Variants in DIO2 observed in about 807,000 individuals in gnomAD.
The protein encoded by DIO2 is iodothyronine deiodinase 2.
A neutral mutation model predicts 21.4 loss-of-function variants in DIO2; 19 were observed. That is an observed-to-expected ratio of 0.89 (90% CI 0.62 to 1.30). DIO2 has a LOEUF of 1.30. DIO2 is among the 50% of genes most tolerant of loss of function. DIO2 has a pLI of 0.00. For missense variants in DIO2, 302 were observed against 338.1 expected, an observed-to-expected ratio of 0.89 and a Z score of 0.84; for synonymous variants, 122 against 132.9, an observed-to-expected ratio of 0.92 and a Z score of 0.57.
At chr14:80,205,083 G>C (rs1297947260) in intron 1 of DIO2, among the ~76,000 whole-genome samples, 1 of 152,076 alleles carries the variant, frequency 6.6e-6, no homozygotes, top group Admixed American at 6.6e-5. Context: ...AGCACATTTA[G>C]CTGGATTCTT....
upstream of DIO2, chr14:80,211,592 G>GGGGA: frequency 6.2e-6 from 1 of 162,280 alleles, no homozygotes; most frequent in South Asian, 6.6e-5. Context: ...GGGGTTGGGG[G>GGGGA]AGAAGGGGAA....
At chr14:80,223,533 C>G (rs887820567) in intron 2 of DIO2, among the ~76,000 whole-genome samples, 4 of 152,142 alleles carry the variant, frequency 2.6e-5, no homozygotes, top group African/African-American at 9.7e-5. Context: ...GAAAGGCAAT[C>G]TTAACCAGGG....
chr14:80,200,620 A>T lies in DIO2; in HGVS notation c.*2069T>A, dbSNP rs930919551. 3 of 152,240 alleles carry T rather than the reference A, an allele frequency of 2.0e-5. No homozygotes were observed. The East Asian group carries it at 5.8e-4, about 29-fold the overall frequency. 9.4% of individuals were successfully genotyped at this position (152,240 alleles called of 1,614,324 possible). On this transcript the variant is annotated 3_prime_UTR_variant, in exon 2 of 2. Transcript: ENST00000438257. ...ATAAGCCTTGAATGTAGAAGTTAAC[A>T]ACTGAGGAATCTGAAATAATTATTC...
intron 1 of DIO2, chr14:80,206,192 TA>T: frequency 8.1e-7 from 1 of 1,231,832 alleles, no homozygotes; most frequent in South Asian, 1.5e-5. Context: ...ATAAAATTAA[TA>T]TTATTAATAA....
At chr14:80,212,327 A>C (rs2140011061), upstream of DIO2, 1 of 146,868 alleles carries the variant, frequency 6.8e-6, no homozygotes, top group African/African-American at 2.4e-5. Flanking sequence ...GAAAAGCAAA[A>C]CTCGACAACT....
upstream of DIO2, among the ~76,000 whole-genome samples, chr14:80,215,449 A>G (rs201987565): frequency 1.2e-4 from 19 of 152,324 alleles, no homozygotes; most frequent in East Asian, 3.7e-3. Flanking sequence ...AATTTTAAGC[A>G]CAACAGTTGC....
chr14:80,199,030 T>C lies in DIO2; in HGVS notation c.*3659A>G, dbSNP rs966800749. ...TCCAGATTCATCCATCCTCTTAAGA[T>C]TGACATAAAGAGAAGTCCTGTAAAT... is the stretch of plus-strand genomic sequence containing the variant. On this transcript the variant is annotated 3_prime_UTR_variant, in exon 2 of 2. Transcript: ENST00000438257. 7 of 152,334 alleles carry C rather than the reference T, an allele frequency of 4.6e-5. No individual in the cohort carries two copies. Among genetic ancestry groups the C allele is most frequent in the African/African-American group, 1.2e-4 (5 of 41,580 alleles). 9.4% of individuals were successfully genotyped at this position (152,334 alleles called of 1,614,324 possible).
upstream of DIO2, chr14:80,211,818 T>A (rs1401273090): frequency 1.6e-5 from 2 of 124,150 alleles, no homozygotes; most frequent in Non-Finnish European, 3.2e-5. Context: ...GGCGTACTCG[T>A]CCCTAATCCA....
Position 80,198,792 on chromosome 14 carries a change from A to G in DIO2, c.*3897T>C, listed in dbSNP as rs1887592907. 1 of 150,724 alleles carries G rather than the reference A, an allele frequency of 6.6e-6. No individual in the cohort carries two copies. Among genetic ancestry groups the G allele is most frequent in the African/African-American group, 2.4e-5 (1 of 40,854 alleles). The allele number at this position is 150,724 out of a possible 1,614,324, so 9.3% of individuals were successfully genotyped here. A position where few individuals can be genotyped will look rare whatever the true frequency, so the allele number is the denominator to read the frequency against. On this transcript the variant is annotated 3_prime_UTR_variant, in exon 2 of 2. Coordinates refer to ENST00000438257, the MANE Select transcript of DIO2 (RefSeq NM_013989.5). ...TAGGGAAAAAAAAAAAAAAAAAAAAACCTCCTAAAATTAAAAGCCTTACTT... is the reference window on the plus strand; with the variant it reads ...TAGGGAAAAAAAAAAAAAAAAAAAAGCCTCCTAAAATTAAAAGCCTTACTT...
chr14:80,211,223 G>C lies in DIO2; in HGVS notation c.222+28C>G, dbSNP rs776430937. The C allele has an allele frequency of 6.9e-6, 11 of 1,594,418 alleles. No homozygotes were observed. In the South Asian group the frequency reaches 1.1e-4, roughly 16 times the overall value. ...ATGAGCCCCTGCCCCTGTAGACCTAGGGAGAAGCCCTTCTCAGCTCAGCTC... is the reference window on the plus strand; with the variant it reads ...ATGAGCCCCTGCCCCTGTAGACCTACGGAGAAGCCCTTCTCAGCTCAGCTC... On this transcript the variant is annotated intron_variant, in intron 1 of 1. Coordinates refer to ENST00000438257, the MANE Select transcript of DIO2 (RefSeq NM_013989.5).
At chr14:80,224,063 A>G (rs1350398595) in intron 2 of DIO2, among the ~76,000 whole-genome samples, 1 of 152,198 alleles carries the variant, frequency 6.6e-6, no homozygotes, top group African/African-American at 2.4e-5. Context: ...CTCATTGAGA[A>G]CTTATTATAT....
chr14:80,212,972 A>C (rs975094605), upstream of DIO2, among the ~76,000 whole-genome samples: 20 of 152,254 alleles, frequency 1.3e-4, no homozygotes, highest in African/African-American at 4.8e-4. Flanking sequence ...TAAGGCTGAG[A>C]AATTATTAAT....
In DIO2 at chr14:80,203,222, T is replaced by C; in HGVS notation, c.289A>G (p.Asn97Asp). 6.2e-7 allele frequency: 1 copy of C among 1,610,168 alleles called. No individual in the cohort carries two copies. The change falls in exon 2 of 2, where the codon AAC (asparagine) becomes GAC (aspartate). Residue 97 changes from asparagine to aspartate, a missense_variant. Asn to Asp is a conservative substitution (Grantham distance 23). Coordinates refer to ENST00000438257, the MANE Select transcript of DIO2 (RefSeq NM_013989.5). ...VHVSSTEGGD[N>D]SGNGTQEKIA... is the part of the protein sequence containing the mutation. ...TTCTCCTGGGTACCATTGCCACTGT[T>C]GTCACCTCCTTCTGTACTGGAGACA...
Position 80,211,333 on chromosome 14 carries a change from G to A in DIO2, c.140C>T (p.Thr47Ile). 1 of 1,613,840 alleles carries A rather than the reference G, an allele frequency of 6.2e-7. No homozygotes were observed. Among genetic ancestry groups the A allele is most frequent in the East Asian group, 2.2e-5 (1 of 44,844 alleles). Residue 47 changes from threonine (T) to isoleucine (I), a missense_variant, in exon 1 of 2, where the codon ACT (threonine) becomes ATT (isoleucine). Physicochemically the swap from Thr to Ile is moderately conservative, Grantham distance 89. Transcript: ENST00000438257. ...CAGCATGCGCCGCCACTCTCCGCGA[G>A]TGGACTTGGAGCGGCTCAACAGCAG... ...VVLLLSRSKS[T>I]RGEWRRMLTS...
chr14:80,222,296 T>C (rs1258267400), intron 2 of DIO2, among the ~76,000 whole-genome samples: 2 of 152,126 alleles, frequency 1.3e-5, no homozygotes, highest in Non-Finnish European at 2.9e-5. Context: ...GAGCTAAACA[T>C]TGAGTGATAG....
chr14:80,199,720 A>T lies in DIO2; in HGVS notation c.*2969T>A, dbSNP rs1887638690. ...ATGATAATATCTAAAATTTCTTGGAAACTATTTCAATAATAGACAAGCTAA... is the reference window on the plus strand; with the variant it reads ...ATGATAATATCTAAAATTTCTTGGATACTATTTCAATAATAGACAAGCTAA... On this transcript the variant is annotated 3_prime_UTR_variant, in exon 2 of 2. Transcript: ENST00000438257. The T allele has an allele frequency of 6.6e-6, 1 of 152,634 alleles. No individual in the cohort carries two copies. Among genetic ancestry groups the T allele is most frequent in the Non-Finnish European group, 1.5e-5 (1 of 68,042 alleles). 9.5% of individuals were successfully genotyped at this position (152,634 alleles called of 1,614,324 possible). A position where few individuals can be genotyped will look rare whatever the true frequency, so the allele number is the denominator to read the frequency against.
intron 1 of DIO2, chr14:80,205,458 C>T: frequency 2.3e-6 from 1 of 425,686 alleles, no homozygotes; most frequent in Admixed American, 5.7e-5. Context: ...ATTTTTGAAA[C>T]CCATGAACAA....
At chr14:80,205,310 C>T (rs1392299843) in intron 1 of DIO2, among the ~76,000 whole-genome samples, 1 of 151,956 alleles carries the variant, frequency 6.6e-6, no homozygotes, top group East Asian at 1.9e-4. Flanking sequence ...ATCATGTGTA[C>T]TGTGTGCCTC....
At chr14:80,226,819 T>C (rs778790215) in intron 2 of DIO2, among the ~76,000 whole-genome samples, 10 of 152,186 alleles carry the variant, frequency 6.6e-5, no homozygotes, top group Non-Finnish European at 1.3e-4. Context: ...ATTATTAAAA[T>C]CCTCCTCTGC....
Sources: allele counts gnomAD v4.1 joint callset (sites outside exome capture counted in the v4.1 genomes callset), GRCh38; gene constraint gnomAD v4.1.1; transcripts MANE v1.5; gene names NCBI Gene and HGNC (gene_info 2026-07-23, HGNC 2026-07-21).